Variants in FOXP3 observed in about 807,000 individuals in gnomAD.
FOXP3 encodes the protein forkhead box protein P3.
A neutral mutation model predicts 31.2 loss-of-function variants in FOXP3; 5 were observed. The observed-to-expected ratio is 0.16, with a 90% CI of 0.08 to 0.34. The LOEUF (loss-of-function observed/expected upper bound fraction) is 0.34. Among genes scored for constraint, FOXP3 ranks in the 10% least tolerant of loss-of-function variants. The pLI, the probability that FOXP3 is intolerant of heterozygous loss-of-function variation, is 1.00. For synonymous variants in FOXP3, 141 were observed against 148.8 expected (o/e 0.95, Z 0.38); for missense variants, 251 against 363.0 (o/e 0.69, Z 2.51).
rs782684523 is a variant in FOXP3, at chrX:49,258,531, C to T, written c.-22-4G>A. ...CGGGTCCTTGTCCAAGGGCAGGCTG[C>T]GTAGACAATAGGGGAAAGGAGTCAC... is the stretch of plus-strand genomic sequence containing the variant. On this transcript the variant is annotated splice_polypyrimidine_tract_variant and splice_region_variant and intron_variant, in intron 1 of 11. Transcript: ENST00000376207. The T allele has an allele frequency of 1.6e-5, 18 of 1,129,881 alleles. No homozygotes were observed. The highest frequency in any genetic ancestry group is 2.1e-5 in the South Asian group (1 of 47,513). The allele number at this position is 1,129,881 out of a possible 1,213,427, so 93.1% of individuals were successfully genotyped here.
intron 8 of FOXP3, among the ~76,000 whole-genome samples, chrX:49,255,012 G>A (rs912966330): frequency 6.8e-5 from 7 of 103,176 alleles, no homozygotes; most frequent in Non-Finnish European, 1.4e-4. Flanking sequence ...GCAGTGGTAT[G>A]ATCTCAGCTC....
chrX:49,255,121 G>T (rs2147947052), intron 8 of FOXP3, among the ~76,000 whole-genome samples: 1 of 111,129 alleles, frequency 9.0e-6, no homozygotes, highest in African/African-American at 3.3e-5. Context: ...CTAATTTTTT[G>T]TACTTTTAGT....
At chrX:49,255,156 C>T (rs1424209580) in intron 8 of FOXP3, among the ~76,000 whole-genome samples, 1 of 111,661 alleles carries the variant, frequency 9.0e-6, no homozygotes, top group Non-Finnish European at 1.9e-5. Context: ...ACCATCTTGG[C>T]GAGGCTGGTC....
intron 1 of FOXP3, among the ~76,000 whole-genome samples, chrX:49,263,703 A>C (rs781809483): frequency 8.9e-6 from 1 of 112,382 alleles, no homozygotes; most frequent in East Asian, 2.8e-4. Context: ...ACTTTGTGCC[A>C]AACGCTGTGC....
chrX:49,252,102 C>A (rs1461906941), intron 10 of FOXP3, among the ~76,000 whole-genome samples: 3 of 105,600 alleles, frequency 2.8e-5, no homozygotes, highest in Non-Finnish European at 5.8e-5. Context: ...GTGGAGGTGA[C>A]ATTTCAGGGT....
chrX:49,255,123 A>G (rs1557116086), intron 8 of FOXP3, among the ~76,000 whole-genome samples: 1 of 110,723 alleles, frequency 9.0e-6, no homozygotes, highest in Non-Finnish European at 1.9e-5. Context: ...AATTTTTTGT[A>G]CTTTTAGTAG....
At chrX:49,256,227 AGAG>A (rs2066070731) in intron 6 of FOXP3, among the ~76,000 whole-genome samples, 149 of 12,209 alleles carry the variant, frequency 0.012, 2 homozygotes, top group Admixed American at 0.062. Context: ...AGAAAGAGAG[AGAG>A]AGAGAGAGAG....
chrX:49,253,405 G>A (rs1461051504), intron 9 of FOXP3, among the ~76,000 whole-genome samples: 1 of 112,609 alleles, frequency 8.9e-6, no homozygotes, highest in Non-Finnish European at 1.9e-5. Flanking sequence ...AGTTCTCCCC[G>A]AGGTTGAAAA....
chrX:49,253,009 G>A (rs782465538), intron 10 of FOXP3, 117 bp downstream of exon 10: 2 of 596,698 alleles, frequency 3.4e-6, no homozygotes, highest in East Asian at 7.2e-5. Context: ...TGGGGCTGGG[G>A]CTTGGGAATG....
chrX:49,259,926 G>A (rs1460107010), intron 1 of FOXP3, among the ~76,000 whole-genome samples: 1 of 111,906 alleles, frequency 8.9e-6, no homozygotes, highest in African/African-American at 3.3e-5. Flanking sequence ...CACAGCTGCT[G>A]AGAGCAGCCC....
chrX:49,254,933 T>TA (rs782027653), intron 8 of FOXP3, among the ~76,000 whole-genome samples: 2 of 109,270 alleles, frequency 1.8e-5, no homozygotes, highest in Non-Finnish European at 3.8e-5. Flanking sequence ...TTGGGGATCT[T>TA]AGAGTCAGAG....
intron 1 of FOXP3, among the ~76,000 whole-genome samples, chrX:49,261,506 C>A (rs1271351757): frequency 8.9e-6 from 1 of 112,495 alleles, no homozygotes; most frequent in Non-Finnish European, 1.9e-5. Context: ...AGGGGCCCCA[C>A]AATCAAGGTT....
chrX:49,257,118 C>T, intron 4 of FOXP3, 106 bp from the exon 5 acceptor site: 2 of 722,780 alleles, frequency 2.8e-6, no homozygotes, highest in Non-Finnish European at 4.1e-6. Flanking sequence ...CCTCGAAAAC[C>T]CTGACTCCCA....
At chrX:49,259,885 C>T (rs1557116984) in intron 1 of FOXP3, among the ~76,000 whole-genome samples, 1 of 111,475 alleles carries the variant, frequency 9.0e-6, no homozygotes, top group East Asian at 2.8e-4. Context: ...TCTCCATCTC[C>T]CCGTTCCACC....
intron 6 of FOXP3, among the ~76,000 whole-genome samples, chrX:49,256,227 AG>A (rs1557116307): frequency 9.0e-4 from 11 of 12,213 alleles, no homozygotes; most frequent in Admixed American, 4.3e-3. Context: ...AGAAAGAGAG[AG>A]AGAGAGAGAG....
At chrX:49,256,220 AAGAGAGAGAGAGAGAGAGAG>A (rs782303757) in intron 6 of FOXP3, among the ~76,000 whole-genome samples, 81 of 67,024 alleles carry the variant, frequency 1.2e-3, no homozygotes, top group African/African-American at 3.8e-3. Context: ...GAGAGAGAGA[AAGAGAGAGAGAGAGAGAGAG>A]AGAGAGAGAG....
Position 49,253,156 on chromosome X carries a change from G to T in FOXP3, c.1014C>A (p.Pro338=). 8.3e-7 allele frequency: 1 copy of T among 1,210,302 alleles called. No individual in the cohort carries two copies. The part of the protein sequence containing the change: ...MDYFKFHNMR[P]PFTYATLIRW... Reference sequence around the variant, plus strand: ...GGATGAGCGTGGCGTAGGTGAAAGGGGGTCGCATGTTGTGGAACTTGAAGT... The same window carrying T: ...GGATGAGCGTGGCGTAGGTGAAAGGTGGTCGCATGTTGTGGAACTTGAAGT... The change falls in exon 10 of 12, where the codon CCC becomes CCA. Residue 338 remains proline (P), a synonymous_variant. Transcript: ENST00000376207.
chrX:49,263,590 A>G (rs1764540209), intron 1 of FOXP3, among the ~76,000 whole-genome samples: 1 of 112,741 alleles, frequency 8.9e-6, no homozygotes, highest in African/African-American at 3.2e-5. Context: ...AGTAAGCTTC[A>G]AAAACACTAC....
intron 8 of FOXP3, 96 bp downstream of exon 8, chrX:49,255,333 G>A: frequency 2.3e-6 from 2 of 872,005 alleles, no homozygotes; most frequent in African/African-American, 2.0e-5. Context: ...TAGCTCTCAG[G>A]ACCTGAATGT....
Sources: gnomAD v4.1 joint callset for allele counts (sites outside exome capture counted in the v4.1 genomes callset) on GRCh38, gnomAD v4.1.1 for gene constraint, MANE v1.5 for transcripts, NCBI Gene and HGNC (gene_info 2026-07-23, HGNC 2026-07-21) for gene names.